The following DPY19L1 variants were observed in gnomAD, a reference collection of about 807,000 sequenced individuals.
DPY19L1 encodes the protein protein C-mannosyl-transferase DPY19L1.
DPY19L1 carries 35 observed loss-of-function variants against 96.9 expected under a neutral mutation model. The ratio of observed to expected loss-of-function variants is 0.36; its 90% CI spans 0.28 to 0.48. The LOEUF (loss-of-function observed/expected upper bound fraction) is 0.48. DPY19L1 is among the 20% of genes least tolerant of loss of function. DPY19L1 has a pLI of 0.99. For missense variants in DPY19L1, 521 were observed against 777.9 expected (o/e 0.67, Z 3.93); for synonymous variants, 205 against 252.6 (o/e 0.81, Z 1.79).
In DPY19L1 at chr7:35,026,431, T is replaced by C. The variant is rs546554143; in HGVS notation, c.299-7835A>G. On this transcript the variant is annotated intron_variant, in intron 1 of 21. Coordinates refer to ENST00000638088, the MANE Select transcript of DPY19L1 (RefSeq NM_001366673.1). ...CTATGTCTGGCATGGGGGTTGGTGA[T>C]TGTGCAACCAAGGTAAAGAAAACCC... Among the ~76,000 whole-genome samples the C allele has an allele frequency of 2.0e-5, 3 of 152,256 alleles. No individual in the cohort carries two copies. In the South Asian group the frequency reaches 6.2e-4, roughly 32 times the overall value.
chr7:34,986,574 GAATT>G (rs1422152509), intron 7 of DPY19L1, among the ~76,000 whole-genome samples: 11 of 152,078 alleles, frequency 7.2e-5, no homozygotes, highest in African/African-American at 2.6e-4. Context: ...ATAAGAATAA[GAATT>G]AATGAGATTG....
At position 34,931,303 on chromosome 7, in the gene DPY19L1, T is replaced by A. The variant is rs1783747689; in HGVS notation, c.*270A>T. The A allele has an allele frequency of 7.7e-6, 2 of 258,984 alleles. No individual in the cohort carries two copies. The highest frequency in any genetic ancestry group is 1.4e-5 in the Non-Finnish European group (2 of 140,616). The allele number at this position is 258,984 out of a possible 1,614,324, so 16.0% of individuals were successfully genotyped here. On this transcript the variant is annotated 3_prime_UTR_variant, in exon 22 of 22. Coordinates refer to ENST00000638088, the MANE Select transcript of DPY19L1 (RefSeq NM_001366673.1). ...CTGTGTTTTCTTTATACAGGTAGCT[T>A]TGCTCACTTTAGCACAAATATTAAA...
At chr7:34,937,931 C>T in intron 21 of DPY19L1, 63 bp downstream of exon 21, 1 of 1,549,168 alleles carries the variant, frequency 6.5e-7, no homozygotes, top group East Asian at 2.3e-5. Flanking sequence ...AAAGCATGTG[C>T]CATGTGCTTG....
In DPY19L1 at chr7:34,975,075, A is replaced by G. The variant is rs1393416706; in HGVS notation, c.823-1470T>C. ...GGGCCTCCAAATTCCCTGAGACACAATATTAAAATTAGGAAAATTAATAAG... is the reference window on the plus strand; with the variant it reads ...GGGCCTCCAAATTCCCTGAGACACAGTATTAAAATTAGGAAAATTAATAAG... On this transcript the variant is annotated intron_variant, in intron 7 of 21. Transcript: ENST00000638088. Among the ~76,000 whole-genome samples, 3 of 152,116 alleles carry G rather than the reference A, an allele frequency of 2.0e-5. No individual in the cohort carries two copies. The East Asian group carries it at 5.8e-4, about 29-fold the overall frequency.
chr7:34,984,807 T>G (rs1785013518), intron 7 of DPY19L1, among the ~76,000 whole-genome samples: 1 of 140,990 alleles, frequency 7.1e-6, no homozygotes, highest in East Asian at 2.0e-4. Context: ...CCTACAGAAA[T>G]CTGCTCCCAC....
intron 6 of DPY19L1, among the ~76,000 whole-genome samples, chr7:34,992,543 C>CTTTTTTTT (rs34687334): frequency 7.5e-6 from 1 of 133,844 alleles, no homozygotes. Context: ...ACCTTCCTGC[C>CTTTTTTTT]TTTTTTTTTT....
intron 7 of DPY19L1, among the ~76,000 whole-genome samples, chr7:34,987,640 G>A (rs1161517294): frequency 3.9e-5 from 6 of 152,008 alleles, no homozygotes; most frequent in African/African-American, 1.4e-4. Flanking sequence ...AAGAAAGTAA[G>A]GTACCGGTTA....
intron 6 of DPY19L1, among the ~76,000 whole-genome samples, chr7:34,994,864 C>T (rs1017751005): frequency 4.6e-5 from 7 of 151,738 alleles, no homozygotes; most frequent in African/African-American, 1.2e-4. Flanking sequence ...CCTAAGAAGT[C>T]GCATACCCTC....
At chr7:34,988,216 TACAA>T (rs1051026871) in intron 7 of DPY19L1, 1 of 152,170 alleles carries the variant, frequency 6.6e-6, no homozygotes, top group Admixed American at 6.6e-5. Flanking sequence ...CTTTGCACTT[TACAA>T]ACAGTGGTCT....
chr7:34,990,038 A>G (rs1012458284), intron 6 of DPY19L1, 97 bp from the exon 7 acceptor site: 10 of 897,750 alleles, frequency 1.1e-5, no homozygotes, highest in Non-Finnish European at 6.7e-6. Context: ...GGTATTATAT[A>G]AGATTTTATA....
intron 20 of DPY19L1, among the ~76,000 whole-genome samples, chr7:34,938,915 A>T (rs947468330): frequency 2.1e-4 from 32 of 152,342 alleles, no homozygotes; most frequent in African/African-American, 7.5e-4. Context: ...AAACTCAAGA[A>T]AAATCACCTA....
At chr7:34,946,068 C>T (rs1438002955) in intron 15 of DPY19L1, among the ~76,000 whole-genome samples, 1 of 152,326 alleles carries the variant, frequency 6.6e-6, no homozygotes, top group Admixed American at 6.5e-5. Context: ...ACCATGCCAA[C>T]GTTGTTGGCA....
chr7:34,951,983 A>G (rs1584212295), intron 13 of DPY19L1, among the ~76,000 whole-genome samples: 2 of 151,718 alleles, frequency 1.3e-5, no homozygotes, highest in East Asian at 3.9e-4. Context: ...AACAAAAAGC[A>G]TTCAAATATC....
chr7:34,967,750 T>C (rs1286557298), intron 9 of DPY19L1, among the ~76,000 whole-genome samples: 2 of 152,198 alleles, frequency 1.3e-5, no homozygotes, highest in South Asian at 2.1e-4. Context: ...GATTGCAAAA[T>C]AGCTGAATAC....
intron 9 of DPY19L1, among the ~76,000 whole-genome samples, chr7:34,968,961 G>C (rs143119297): frequency 6.6e-6 from 1 of 152,014 alleles, no homozygotes; most frequent in South Asian, 2.1e-4. Flanking sequence ...GACTGGTAGA[G>C]AGAATTTTAT....
At chr7:35,028,384 G>A (rs1214871070) in intron 1 of DPY19L1, among the ~76,000 whole-genome samples, 1 of 152,180 alleles carries the variant, frequency 6.6e-6, no homozygotes, top group Non-Finnish European at 1.5e-5. Context: ...TCCCAAAGCG[G>A]AATATAATTA....
intron 21 of DPY19L1, among the ~76,000 whole-genome samples, chr7:34,936,836 T>C (rs1387252660): frequency 2.0e-5 from 3 of 152,234 alleles, no homozygotes; most frequent in African/African-American, 7.2e-5. Context: ...AGAACTATTT[T>C]TCACTCACGA....
intron 1 of DPY19L1, among the ~76,000 whole-genome samples, chr7:35,033,518 T>C (rs1485485213): frequency 6.6e-6 from 1 of 152,190 alleles, no homozygotes; most frequent in Non-Finnish European, 1.5e-5. Context: ...ACATGTATTA[T>C]CTCATTTATT....
At chr7:34,977,928 AT>A (rs1458159873) in intron 7 of DPY19L1, among the ~76,000 whole-genome samples, 4 of 152,100 alleles carry the variant, frequency 2.6e-5, no homozygotes, top group Admixed American at 2.6e-4. Flanking sequence ...CTAGTATATA[AT>A]TTTTAGCACA....
Sources: gnomAD v4.1 joint callset for allele counts (sites outside exome capture counted in the v4.1 genomes callset) on GRCh38, gnomAD v4.1.1 for gene constraint, MANE v1.5 for transcripts, NCBI Gene and HGNC (gene_info 2026-07-23, HGNC 2026-07-21) for gene names.